Variants in SLC20A1 observed in about 807,000 individuals in gnomAD.
The protein encoded by SLC20A1 is solute carrier family 20 member 1.
A neutral mutation model predicts 62.7 loss-of-function variants in SLC20A1; 28 were observed. That is an observed-to-expected ratio of 0.45 (90% CI 0.33 to 0.61). The LOEUF (loss-of-function observed/expected upper bound fraction) is 0.61, where lower values mean the gene tolerates loss of function less well. SLC20A1 is among the 20% of genes least tolerant of loss of function. SLC20A1 has a pLI of 0.02. For synonymous variants in SLC20A1, 305 were observed against 302.9 expected (o/e 1.01, Z -0.07); for missense variants, 673 against 838.6 (o/e 0.80, Z 2.44).
chr2:112,652,754 C>T lies in SLC20A1; in HGVS notation c.614C>T (p.Thr205Ile), dbSNP rs1420607728. 11 of 1,614,040 alleles carry T rather than the reference C, an allele frequency of 6.8e-6. No homozygotes were observed. The highest frequency in any genetic ancestry group is 1.1e-5 in the South Asian group (1 of 91,090). ...GCTTTGCCAGTTTTCTATGCCTGCA[C>T]AGTTGGAATAAACCTCTTTTCCATC... Reference protein sequence around the residue: ...LRALPVFYACTVGINLFSIMY... With the variant: ...LRALPVFYACIVGINLFSIMY... Residue 205 changes from threonine to isoleucine, a missense_variant, in exon 5 of 11, where the codon ACA becomes ATA. Physicochemically the swap from Thr to Ile is moderately conservative, Grantham distance 89. Coordinates refer to ENST00000272542, the MANE Select transcript of SLC20A1 (RefSeq NM_005415.5).
At position 112,652,276 on chromosome 2, in the gene SLC20A1, C is replaced by T. The variant is rs147860152; in HGVS notation, c.562-426C>T. The T allele has an allele frequency of 2.6e-3, 452 of 171,534 alleles. 2 individuals are homozygous for T. The highest frequency in any genetic ancestry group is 9.8e-3 in the African/African-American group (410 of 41,840). The allele number at this position is 171,534 out of a possible 1,614,324, so 10.6% of individuals were successfully genotyped here. On this transcript the variant is annotated intron_variant, in intron 4 of 10. Transcript: ENST00000272542. ...AGATGGTTGGCGTACGCATAGTCTGCATGTTGTATTTTTAGTCTTTGAAGA... is the reference window on the plus strand; with the variant it reads ...AGATGGTTGGCGTACGCATAGTCTGTATGTTGTATTTTTAGTCTTTGAAGA...
In SLC20A1 at chr2:112,659,671, C is replaced by A. The variant is rs776031460; in HGVS notation, c.1516C>A (p.Gln506Lys). The A allele has an allele frequency of 1.1e-5, 18 of 1,614,202 alleles. No individual in the cohort carries two copies. The highest frequency in any genetic ancestry group is 1.5e-5 in the Non-Finnish European group (18 of 1,180,026). The change falls in exon 8 of 11, where the codon CAG becomes AAG. Residue 506 changes from glutamine to lysine, a missense_variant. Transcript: ENST00000272542. ...SNGSLEEWYD[Q>K]DKPEVSLLFQ... ...TGGCTCTCTAGAAGAATGGTATGACCAGGATAAGCCTGAAGTCTCTCTCCT... is the reference window on the plus strand; with the variant it reads ...TGGCTCTCTAGAAGAATGGTATGACAAGGATAAGCCTGAAGTCTCTCTCCT...
At position 112,646,851 on chromosome 2, in the gene SLC20A1, C is replaced by T; in HGVS notation, c.23C>T (p.Thr8Ile). MATLITS[T>I]TAATAASGPL... ...AGAATGGCAACGCTGATTACCAGTA[C>T]TACAGCTGCTACCGCCGCTTCTGGT... is the stretch of plus-strand genomic sequence containing the variant. Residue 8 changes from threonine to isoleucine, a missense_variant, in exon 2 of 11, where the codon ACT (threonine) becomes ATT (isoleucine). Thr to Ile is a moderately conservative substitution (Grantham distance 89). Transcript: ENST00000272542. The T allele has an allele frequency of 6.2e-7, 1 of 1,612,864 alleles. No individual in the cohort carries two copies. The highest frequency in any genetic ancestry group is 1.7e-4 in the Middle Eastern group (1 of 6,058).
At position 112,660,576 on chromosome 2, in the gene SLC20A1, A is replaced by G. The variant is rs780759496; in HGVS notation, c.1793+4A>G. ...TGACACCGATCACACCCTCTAGGTA[A>G]GTAGGTGGAGCAGGTTCTACAAATG... On this transcript the variant is annotated splice_donor_region_variant and intron_variant, in intron 9 of 10. Coordinates refer to ENST00000272542, the MANE Select transcript of SLC20A1 (RefSeq NM_005415.5). 9.9e-6 allele frequency: 16 copies of G among 1,610,968 alleles called. No homozygotes were observed. The highest frequency in any genetic ancestry group is 1.7e-5 in the Admixed American group (1 of 59,172).
intron 5 of SLC20A1, 77 bp from the exon 6 acceptor site, chr2:112,657,045 C>T (rs2104647998): frequency 6.4e-7 from 1 of 1,563,874 alleles, no homozygotes; most frequent in Non-Finnish European, 8.8e-7. Context: ...ACCCCTCAGT[C>T]CCCAGAGGAG....
At position 112,661,828 on chromosome 2, in the gene SLC20A1, C is replaced by T. The variant is rs1234226918; in HGVS notation, c.1878+602C>T. 3.9e-5 allele frequency among the ~76,000 whole-genome samples: 6 copies of T among 152,168 alleles called. 1 individual carries two copies. In the East Asian group the frequency reaches 5.8e-4, roughly 15 times the overall value. ...CCTCCCAAAGTGCTAGGATTACATG[C>T]GTGAGCCACCGCGCCCGGCCGACAG... On this transcript the variant is annotated intron_variant, in intron 10 of 10. Coordinates refer to ENST00000272542, the MANE Select transcript of SLC20A1 (RefSeq NM_005415.5).
intron 5 of SLC20A1, among the ~76,000 whole-genome samples, chr2:112,654,646 C>A (rs1205653701): frequency 3.9e-5 from 6 of 151,976 alleles, no homozygotes; most frequent in Non-Finnish European, 5.9e-5. Flanking sequence ...CTTGTAATCC[C>A]AGCACTTTGG....
chr2:112,649,130 T>C (rs184714406), intron 4 of SLC20A1, among the ~76,000 whole-genome samples: 15 of 152,344 alleles, frequency 9.8e-5, no homozygotes, highest in Admixed American at 5.2e-4. Flanking sequence ...ATGGTGGTGC[T>C]CTGAGGTGCA....
chr2:112,649,758 C>T (rs1686386074), intron 4 of SLC20A1, among the ~76,000 whole-genome samples: 1 of 152,118 alleles, frequency 6.6e-6, no homozygotes, highest in Non-Finnish European at 1.5e-5. Context: ...GAAAATAGGG[C>T]TTTTGGCATT....
intron 4 of SLC20A1, among the ~76,000 whole-genome samples, chr2:112,650,236 G>A (rs994290925): frequency 2.6e-5 from 4 of 151,996 alleles, no homozygotes; most frequent in Non-Finnish European, 4.4e-5. Flanking sequence ...ATCATATTAC[G>A]AAATATCTTT....
At position 112,646,923 on chromosome 2, in the gene SLC20A1, C is replaced by G; in HGVS notation, c.95C>G (p.Ala32Gly). The G allele has an allele frequency of 6.2e-7, 1 of 1,613,874 alleles. No individual in the cohort carries two copies. Among genetic ancestry groups the G allele is most frequent in the Non-Finnish European group, 8.5e-7 (1 of 1,179,994 alleles). ...ATGCTCATCCTGGGCTTCATTATTG[C>G]ATTTGTCTTGGCATTCTCCGTGGGA... is the stretch of plus-strand genomic sequence containing the variant. ...LWMLILGFIIAFVLAFSVGAN... is the reference protein window; with the variant it reads ...LWMLILGFIIGFVLAFSVGAN... Residue 32 changes from alanine to glycine, a missense_variant, in exon 2 of 11, where the codon GCA (alanine) becomes GGA (glycine). Physicochemically the swap from Ala to Gly is moderately conservative, Grantham distance 60. Coordinates refer to ENST00000272542, the MANE Select transcript of SLC20A1 (RefSeq NM_005415.5).
chr2:112,654,110 T>G (rs1346763864), intron 5 of SLC20A1, among the ~76,000 whole-genome samples: 1 of 152,184 alleles, frequency 6.6e-6, no homozygotes, highest in East Asian at 1.9e-4. Context: ...ATTTTTTACC[T>G]TATTTTAGAT....
At chr2:112,648,012 C>T (rs1260257720) in intron 4 of SLC20A1, among the ~76,000 whole-genome samples, 1 of 152,090 alleles carries the variant, frequency 6.6e-6, no homozygotes, top group Non-Finnish European at 1.5e-5. Flanking sequence ...ATTTATTTTG[C>T]GTGGTTTTGT....
Position 112,652,341 on chromosome 2 carries a change from C to G in SLC20A1, c.562-361C>G, listed in dbSNP as rs530093868. On this transcript the variant is annotated intron_variant, in intron 4 of 10. Transcript: ENST00000272542. Reference sequence around the variant, plus strand: ...AGCAACATCCTAACATAGTCTATTTCTTGACATCTCTTACAAACGTAGAGT... The same window carrying G: ...AGCAACATCCTAACATAGTCTATTTGTTGACATCTCTTACAAACGTAGAGT... 20 of 230,820 alleles carry G rather than the reference C, an allele frequency of 8.7e-5. No individual in the cohort carries two copies. The East Asian group carries it at 1.9e-3, about 22-fold the overall frequency. The allele number at this position is 230,820 out of a possible 1,614,324, so 14.3% of individuals were successfully genotyped here.
At chr2:112,659,989 T>A (rs4849093) in intron 8 of SLC20A1, among the ~76,000 whole-genome samples, 120,395 of 152,152 alleles carry the variant, frequency 0.79, 48,369 homozygotes, top group East Asian at 1. Context: ...AAACAGATAC[T>A]CTTCACAGAG....
intron 2 of SLC20A1, 43 bp from the exon 3 acceptor site, chr2:112,647,281 T>C: frequency 6.2e-7 from 1 of 1,601,766 alleles, no homozygotes; most frequent in Non-Finnish European, 8.5e-7. Context: ...ACTTACATAA[T>C]GGAATTTTGA....
At chr2:112,660,900 C>T in intron 9 of SLC20A1, 1 of 493,234 alleles carries the variant, frequency 2.0e-6, no homozygotes. Context: ...AATAAAAGTG[C>T]AAATTTTATT....
At chr2:112,656,889 C>T (rs991255708) in intron 5 of SLC20A1, 107 of 544,036 alleles carry the variant, frequency 2.0e-4, no homozygotes, top group Admixed American at 4.1e-4. Flanking sequence ...GAACTTGAGT[C>T]CCGCAGGTGT....
At position 112,646,898 on chromosome 2, in the gene SLC20A1, A is replaced by T; in HGVS notation, c.70A>T (p.Met24Leu). ...ASGPLVDYLW[M>L]LILGFIIAFV... is the part of the protein sequence containing the mutation. ...TGGTCCTTTGGTGGACTACCTATGG[A>T]TGCTCATCCTGGGCTTCATTATTGC... is the stretch of plus-strand genomic sequence containing the variant. The change falls in exon 2 of 11, where the codon ATG (methionine) becomes TTG (leucine). Residue 24 changes from methionine to leucine, a missense_variant. Coordinates refer to ENST00000272542, the MANE Select transcript of SLC20A1 (RefSeq NM_005415.5). 1.2e-6 allele frequency: 2 copies of T among 1,613,688 alleles called. No homozygotes were observed. Among genetic ancestry groups the T allele is most frequent in the Non-Finnish European group, 1.7e-6 (2 of 1,179,934 alleles).
Sources: gnomAD v4.1 joint callset for allele counts (sites outside exome capture counted in the v4.1 genomes callset) on GRCh38, gnomAD v4.1.1 for gene constraint, MANE v1.5 for transcripts, NCBI Gene and HGNC (gene_info 2026-07-23, HGNC 2026-07-21) for gene names.